NELL2: variants seen among roughly 807,000 people sequenced by gnomAD.
NELL2 encodes neural EGFL like 2, also known as protein kinase C-binding protein NELL2.
A neutral mutation model predicts 109.6 loss-of-function variants in NELL2; 41 were observed. The ratio of observed to expected loss-of-function variants is 0.37; its 90% confidence interval spans 0.29 to 0.49. NELL2 has a LOEUF of 0.49. Ranked by LOEUF, NELL2 falls within the 20% of genes least tolerant of loss-of-function variation. The pLI, the probability that NELL2 is intolerant of heterozygous loss-of-function variation, is 0.98. For missense variants in NELL2, 900 were observed against 1,008.3 expected, an observed-to-expected ratio of 0.89 and a Z score of 1.45; for synonymous variants, 355 against 344.7, an observed-to-expected ratio of 1.03 and a Z score of -0.33.
At chr12:44,685,188 T>A (rs188597094) in intron 12 of NELL2, among the ~76,000 whole-genome samples, 1 of 152,266 alleles carries the variant, frequency 6.6e-6, no homozygotes, top group South Asian at 2.1e-4. Context: ...TTGTCTCTTT[T>A]GATCTTTGTT....
intron 15 of NELL2, among the ~76,000 whole-genome samples, chr12:44,603,683 A>G (rs1270050295): frequency 1.3e-5 from 2 of 152,178 alleles, no homozygotes; most frequent in Non-Finnish European, 2.9e-5. Context: ...GTCCATAAAA[A>G]ATTAATTTCG....
intron 2 of NELL2, among the ~76,000 whole-genome samples, chr12:44,854,938 G>A (rs1944640555): frequency 6.6e-6 from 1 of 152,010 alleles, no homozygotes; most frequent in African/African-American, 2.4e-5. Context: ...ATAAAGATGA[G>A]TCACATAAGT....
intron 12 of NELL2, among the ~76,000 whole-genome samples, chr12:44,685,931 T>G (rs1270278244): frequency 6.6e-6 from 1 of 152,108 alleles, no homozygotes; most frequent in Non-Finnish European, 1.5e-5. Flanking sequence ...TTTGTGGCGT[T>G]CTCTATATTT....
intron 12 of NELL2, among the ~76,000 whole-genome samples, chr12:44,690,864 G>A (rs1173741538): frequency 2.6e-5 from 4 of 152,122 alleles, no homozygotes; most frequent in Admixed American, 2.6e-4. Context: ...TTCCCAAGAA[G>A]AACCTATAGA....
chr12:44,791,109 G>GTA (rs1327780810), intron 3 of NELL2, among the ~76,000 whole-genome samples: 1,834 of 10,002 alleles, frequency 0.18, 200 homozygotes, highest in African/African-American at 0.39. Context: ...ATATATATAT[G>GTA]TATATATATA....
chr12:44,548,356 A>G (rs1038702794), intron 15 of NELL2, among the ~76,000 whole-genome samples: 1 of 152,094 alleles, frequency 6.6e-6, no homozygotes, highest in African/African-American at 2.4e-5. Context: ...TCGCCTGGCC[A>G]ACATAGTGAA....
At chr12:44,785,739 T>C (rs772604580) in intron 3 of NELL2, among the ~76,000 whole-genome samples, 9 of 152,094 alleles carry the variant, frequency 5.9e-5, no homozygotes, top group Non-Finnish European at 1.2e-4. Context: ...TCTACAACCA[T>C]CTAATCTTTG....
At chr12:44,880,396 A>G (rs2710434), upstream of NELL2, among the ~76,000 whole-genome samples, 5,170 of 152,110 alleles carry the variant, frequency 0.034, 217 homozygotes, top group African/African-American at 0.083. Context: ...AGCAGCAATA[A>G]AACAGTGCTA....
rs375880321 is a variant in NELL2, at chr12:44,592,288, A to G, written c.1663+14881T>C. 2.1e-4 allele frequency among the ~76,000 whole-genome samples: 32 copies of G among 152,358 alleles called. No homozygotes were observed. The East Asian group carries it at 4.2e-3, about 20-fold the overall frequency. On this transcript the variant is annotated intron_variant, in intron 15 of 19. Transcript: ENST00000429094. ...AATGTTTGGCATGTGGTAAGTTTTC[A>G]GTAATGACCAGCTGATATCTCAGAA...
rs1231738140 is a variant in NELL2, at chr12:44,653,448, C to T, written c.1444+12036G>A. Among the ~76,000 whole-genome samples the T allele has an allele frequency of 5.3e-5, 8 of 152,232 alleles. No homozygotes were observed. In the South Asian group the frequency reaches 6.2e-4, roughly 12 times the overall value. ...AGAAAAGGGGGCCAGGGAAAGATCA[C>T]GATTTGATTTGGACAAACTAAAGAG... On this transcript the variant is annotated intron_variant, in intron 13 of 19. Coordinates refer to ENST00000429094, the MANE Select transcript of NELL2 (RefSeq NM_001145108.2).
chr12:44,707,585 G>T (rs1023249670), intron 11 of NELL2, among the ~76,000 whole-genome samples: 3 of 152,016 alleles, frequency 2.0e-5, no homozygotes, highest in African/African-American at 7.2e-5. Flanking sequence ...TATTAATTTA[G>T]GTGTTGTTTG....
At chr12:44,814,064 G>A (rs1411973951) in intron 3 of NELL2, among the ~76,000 whole-genome samples, 1 of 152,156 alleles carries the variant, frequency 6.6e-6, no homozygotes, top group Non-Finnish European at 1.5e-5. Context: ...GTTCGACCCT[G>A]GGAACCAATA....
At chr12:44,762,064 CA>C (rs921526160) in intron 9 of NELL2, among the ~76,000 whole-genome samples, 2 of 151,768 alleles carry the variant, frequency 1.3e-5, no homozygotes, top group African/African-American at 2.4e-5. Flanking sequence ...TAAAACACAA[CA>C]AAAAAATAGA....
chr12:44,639,647 C>T (rs1378810817), intron 13 of NELL2, among the ~76,000 whole-genome samples: 2 of 152,054 alleles, frequency 1.3e-5, no homozygotes, highest in Non-Finnish European at 2.9e-5. Flanking sequence ...CAGGGCTATC[C>T]TCCTAATCTG....
intron 16 of NELL2, among the ~76,000 whole-genome samples, chr12:44,528,999 T>C (rs1001244200): frequency 6.6e-6 from 1 of 152,150 alleles, no homozygotes; most frequent in African/African-American, 2.4e-5. Flanking sequence ...AGGGTTTGCA[T>C]ATTGCTTTGA....
intron 12 of NELL2, among the ~76,000 whole-genome samples, chr12:44,703,459 T>A (rs1241837290): frequency 6.6e-6 from 1 of 152,028 alleles, no homozygotes; most frequent in East Asian, 1.9e-4. Context: ...AATATCTAAT[T>A]ATGAAAAAAA....
At chr12:44,891,768 T>C (rs968023576) in intron 1 of NELL2, among the ~76,000 whole-genome samples, 6 of 152,112 alleles carry the variant, frequency 3.9e-5, no homozygotes, top group African/African-American at 1.4e-4. Flanking sequence ...AGGCAGAAAA[T>C]TGGAGCTCAA....
intron 3 of NELL2, among the ~76,000 whole-genome samples, chr12:44,786,303 A>G (rs932261508): frequency 2.0e-5 from 3 of 152,242 alleles, no homozygotes; most frequent in Admixed American, 6.5e-5. Flanking sequence ...CATTAGAAAA[A>G]TGAAAATGAA....
Position 44,663,318 on chromosome 12 carries a change from T to TA in NELL2, c.1444+2165dup, listed in dbSNP as rs569674688. Among the ~76,000 whole-genome samples, 445 of 152,116 alleles carry TA rather than the reference T, an allele frequency of 2.9e-3. 12 individuals carry two copies. Among genetic ancestry groups the TA allele is most frequent in the Admixed American group, 0.027 (413 of 15,276 alleles). On this transcript the variant is annotated intron_variant, in intron 13 of 19. Coordinates refer to ENST00000429094, the MANE Select transcript of NELL2 (RefSeq NM_001145108.2). Reference sequence around the variant, plus strand: ...CTAAAAATAAAATCGACATATTCTCTAAAAAAAATCCAAGTTTTGTGTTCA... The same window carrying TA: ...CTAAAAATAAAATCGACATATTCTCTAAAAAAAAATCCAAGTTTTGTGTTCA...
Sources: gnomAD v4.1 joint callset for allele counts (sites outside exome capture counted in the v4.1 genomes callset) on GRCh38, gnomAD v4.1.1 for gene constraint, MANE v1.5 for transcripts, NCBI Gene and HGNC (gene_info 2026-07-23, HGNC 2026-07-21) for gene names.